Variants in CLIC4 observed in about 807,000 individuals in gnomAD.
CLIC4 encodes the protein CLIC family member 4.
CLIC4 carries 13 observed loss-of-function variants against 24.6 expected under a neutral mutation model. The observed-to-expected ratio is 0.53, with a 90% confidence interval of 0.34 to 0.84. CLIC4 has a LOEUF of 0.84. Among genes scored for constraint, CLIC4 ranks in the 40% least tolerant of loss-of-function variants. The pLI is 0.01. For missense variants in CLIC4, 227 were observed against 301.7 expected (o/e 0.75, Z 1.83); for synonymous variants, 104 against 111.3 (o/e 0.93, Z 0.41).
intron 1 of CLIC4, among the ~76,000 whole-genome samples, chr1:24,760,659 T>A (rs1365089136): frequency 6.6e-6 from 1 of 152,070 alleles, no homozygotes; most frequent in African/African-American, 2.4e-5. Flanking sequence ...ATATCTGTTC[T>A]TCTTTCATTC....
At chr1:24,755,436 C>CAAAAAAAAAAAAAAA (rs796480286) in intron 1 of CLIC4, among the ~76,000 whole-genome samples, 1 of 85,784 alleles carries the variant, frequency 1.2e-5, no homozygotes, top group Non-Finnish European at 2.6e-5. Flanking sequence ...GACTCTGTCT[C>CAAAAAAAAAAAAAAA]AAAAAAAAAA....
At position 24,805,086 on chromosome 1, in the gene CLIC4, C is replaced by CAAAAAAAAAAAAAAA. The variant is rs757976140; in HGVS notation, c.182+7240_182+7254dup. Reference sequence around the variant, plus strand: ...TGGGCAACAGAGTGAGACTCCATGTCAAAAAAAAAAAAAAAAAAACACAAA... The same window carrying CAAAAAAAAAAAAAAA: ...TGGGCAACAGAGTGAGACTCCATGTCAAAAAAAAAAAAAAAAAAAAAAAAAAAAAAAAAACACAAA... On this transcript the variant is annotated intron_variant, in intron 2 of 5. Transcript: ENST00000374379. Among the ~76,000 whole-genome samples, 12 of 46,762 alleles carry CAAAAAAAAAAAAAAA rather than the reference C, an allele frequency of 2.6e-4. 1 individual carries two copies. The highest frequency in any genetic ancestry group is 5.2e-4 in the East Asian group (1 of 1,928). 30.7% of individuals were successfully genotyped at this position (46,762 alleles called of 152,430 possible).
chr1:24,829,045 C>T (rs1488459897), intron 4 of CLIC4, among the ~76,000 whole-genome samples: 1 of 152,190 alleles, frequency 6.6e-6, no homozygotes, highest in African/African-American at 2.4e-5. Context: ...CCATTTAGTG[C>T]AATCAAATGC....
At chr1:24,831,139 A>G (rs1449847189) in intron 4 of CLIC4, among the ~76,000 whole-genome samples, 4 of 152,340 alleles carry the variant, frequency 2.6e-5, no homozygotes, top group South Asian at 2.1e-4. Flanking sequence ...AGGTATAGCA[A>G]TTCGACTTCA....
intron 5 of CLIC4, 104 bp from the exon 6 acceptor site, chr1:24,840,669 C>A: frequency 2.1e-6 from 2 of 972,226 alleles, no homozygotes; most frequent in Non-Finnish European, 3.0e-6. Flanking sequence ...AGAAGCAGTT[C>A]TCAAAGATTT....
chr1:24,768,061 G>A (rs1034628947), intron 1 of CLIC4, among the ~76,000 whole-genome samples: 4 of 151,942 alleles, frequency 2.6e-5, no homozygotes, highest in African/African-American at 4.8e-5. Context: ...GGCTGATCTC[G>A]GACTCCTGAC....
chr1:24,746,178 G>A (rs1394782934), intron 1 of CLIC4, among the ~76,000 whole-genome samples: 1 of 152,238 alleles, frequency 6.6e-6, no homozygotes, highest in Non-Finnish European at 1.5e-5. Flanking sequence ...TTACCAAAGA[G>A]CAGGTGCTCT....
At chr1:24,813,038 CTTTCTTTCTTTT>C (rs1639630432) in intron 2 of CLIC4, among the ~76,000 whole-genome samples, 1 of 126,038 alleles carries the variant, frequency 7.9e-6, no homozygotes, top group African/African-American at 3.1e-5. Context: ...TTCTTTCTTT[CTTTCTTTCTTTT>C]TTTTTTTTTT....
intron 3 of CLIC4, among the ~76,000 whole-genome samples, chr1:24,821,651 TCATAA>T (rs1299880681): frequency 1.3e-5 from 2 of 152,150 alleles, no homozygotes; most frequent in African/African-American, 4.8e-5. Flanking sequence ...CCTCCCAGGC[TCATAA>T]TCCTCCTGCC....
At chr1:24,836,533 A>G (rs1639887322) in intron 4 of CLIC4, among the ~76,000 whole-genome samples, 1 of 152,234 alleles carries the variant, frequency 6.6e-6, no homozygotes, top group African/African-American at 2.4e-5. Context: ...TATGATAGAT[A>G]TCAATAACAA....
Position 24,798,068 on chromosome 1 carries a change from T to C in CLIC4, c.182+217T>C, listed in dbSNP as rs577125141. The C allele has an allele frequency of 2.0e-5, 8 of 402,384 alleles. No homozygotes were observed. The South Asian group carries it at 2.6e-4, about 13-fold the overall frequency. 24.9% of individuals were successfully genotyped at this position (402,384 alleles called of 1,614,324 possible). Reference sequence around the variant, plus strand: ...GTCTTTTTTAGGAACTTTTGTATGTTTACCTTAAATTTCATGAGTAGCACT... The same window carrying C: ...GTCTTTTTTAGGAACTTTTGTATGTCTACCTTAAATTTCATGAGTAGCACT... On this transcript the variant is annotated intron_variant, in intron 2 of 5. Coordinates refer to ENST00000374379, the MANE Select transcript of CLIC4 (RefSeq NM_013943.3).
chr1:24,795,751 G>A (rs553604181), intron 1 of CLIC4, among the ~76,000 whole-genome samples: 2 of 152,190 alleles, frequency 1.3e-5, no homozygotes, highest in East Asian at 1.9e-4. Flanking sequence ...TGTATTTTTC[G>A]TAGAGACGGA....
chr1:24,843,683 A>G lies in CLIC4; in HGVS notation c.*2746A>G, dbSNP rs1639965623. On this transcript the variant is annotated 3_prime_UTR_variant, in exon 6 of 6. Coordinates refer to ENST00000374379, the MANE Select transcript of CLIC4 (RefSeq NM_013943.3). ...TTTCTTGGTAATTTTGGCTTTCACA[A>G]TTTATCTTTAAATCCTTGAGCAATC... 6.6e-6 allele frequency: 1 copy of G among 152,412 alleles called. No individual in the cohort carries two copies. Among genetic ancestry groups the G allele is most frequent in the Non-Finnish European group, 1.5e-5 (1 of 68,002 alleles). The allele number at this position is 152,412 out of a possible 1,614,324, so 9.4% of individuals were successfully genotyped here.
intron 2 of CLIC4, among the ~76,000 whole-genome samples, chr1:24,800,428 T>C (rs1477916141): frequency 1.4e-5 from 2 of 145,774 alleles, no homozygotes; most frequent in Non-Finnish European, 1.5e-5. Flanking sequence ...AGCTGCCCCG[T>C]CTGGGAGGGA....
intron 4 of CLIC4, among the ~76,000 whole-genome samples, chr1:24,831,094 A>T (rs1639835622): frequency 6.6e-6 from 1 of 152,212 alleles, no homozygotes; most frequent in African/African-American, 2.4e-5. Context: ...TTGTTATGAC[A>T]TTCTTAACTA....
At position 24,797,826 on chromosome 1, in the gene CLIC4, AGTGTGACGACT is replaced by A; in HGVS notation, c.160_170del (p.Val54Ter). 4 of 1,613,354 alleles carry A rather than the reference AGTGTGACGACT, an allele frequency of 2.5e-6. No homozygotes were observed. The highest frequency in any genetic ancestry group is 3.4e-6 in the Non-Finnish European group (4 of 1,179,666). On this transcript the variant is annotated frameshift_variant, in exon 2 of 6. Transcript: ENST00000374379. LOFTEE classifies it high-confidence loss of function. ...TCTTTGGCTCAAAGGAGTTGTATTT[AGTGTGACGACT>A]GTTGACCTGAAAAGGTAAGACATGG...
intron 2 of CLIC4, among the ~76,000 whole-genome samples, chr1:24,810,585 A>G (rs113316959): frequency 0.02 from 3,054 of 152,258 alleles, 95 homozygotes; most frequent in African/African-American, 0.07. Flanking sequence ...CCTAGGCAAT[A>G]TGGTGAGATC....
chr1:24,748,991 G>A (rs555110140), intron 1 of CLIC4, among the ~76,000 whole-genome samples: 1 of 152,122 alleles, frequency 6.6e-6, no homozygotes, highest in East Asian at 1.9e-4. Context: ...GGAGGCGGAG[G>A]GGGGTGGATC....
chr1:24,809,510 GC>G (rs1483193904), intron 2 of CLIC4, among the ~76,000 whole-genome samples: 1 of 152,000 alleles, frequency 6.6e-6, no homozygotes. Flanking sequence ...TCACTCTGTC[GC>G]CCAGGCTGAA....
Sources: allele counts gnomAD v4.1 joint callset (sites outside exome capture counted in the v4.1 genomes callset), GRCh38; gene constraint gnomAD v4.1.1; transcripts MANE v1.5; gene names NCBI Gene and HGNC (gene_info 2026-07-23, HGNC 2026-07-21).